DLG1: variants seen among roughly 807,000 people sequenced by gnomAD.
DLG1 encodes disks large homolog 1.
In DLG1, 42 loss-of-function variants were observed where a neutral mutation model predicts 123.4. The observed-to-expected ratio is 0.34, with a 90% CI of 0.27 to 0.44. The LOEUF is 0.44. Among genes scored for constraint, DLG1 ranks in the 20% least tolerant of loss-of-function variants. The pLI is 1.00. For missense variants in DLG1, 942 were observed against 1,082.6 expected (o/e 0.87, Z 1.82); for synonymous variants, 317 against 356.2 (o/e 0.89, Z 1.24).
At position 197,212,764 on chromosome 3, in the gene DLG1, C is replaced by T. The variant is rs142344780; in HGVS notation, c.319-18175G>A. Among the ~76,000 whole-genome samples, 969 of 152,288 alleles carry T rather than the reference C, an allele frequency of 6.4e-3. 14 individuals are homozygous for T. Among genetic ancestry groups the T allele is most frequent in the Non-Finnish European group, 6.7e-3 (455 of 68,030 alleles). On this transcript the variant is annotated intron_variant, in intron 4 of 24. Coordinates refer to ENST00000667157, the MANE Select transcript of DLG1 (RefSeq NM_001366207.1). ...AGGTCATATTCTGAGATATTAGGGG[C>T]TAGGACTCCAACATATCTTTTTTTG...
intron 4 of DLG1, among the ~76,000 whole-genome samples, chr3:197,216,479 T>C (rs1375634602): frequency 6.6e-6 from 1 of 152,172 alleles, no homozygotes; most frequent in Non-Finnish European, 1.5e-5. Context: ...TGGGAGCTAC[T>C]TTCCAGAATC....
chr3:197,145,055 TCACACACACA>T (rs34377415), intron 6 of DLG1, among the ~76,000 whole-genome samples: 9 of 148,632 alleles, frequency 6.1e-5, no homozygotes, highest in African/African-American at 1.2e-4. Flanking sequence ...TCTCTCTCTC[TCACACACACA>T]CACACACACA....
At chr3:197,122,197 A>C (rs1429801357) in intron 11 of DLG1, among the ~76,000 whole-genome samples, 1 of 152,100 alleles carries the variant, frequency 6.6e-6, no homozygotes, top group African/African-American at 2.4e-5. Context: ...AAATCAATGT[A>C]ATTTATCACG....
intron 4 of DLG1, among the ~76,000 whole-genome samples, chr3:197,233,743 C>T (rs1744501358): frequency 6.6e-6 from 1 of 152,182 alleles, no homozygotes; most frequent in African/African-American, 2.4e-5. Flanking sequence ...TGGTCTTGAA[C>T]TCCTGACCTC....
chr3:197,064,522 G>T (rs955254807), intron 22 of DLG1, among the ~76,000 whole-genome samples: 8 of 152,084 alleles, frequency 5.3e-5, no homozygotes, highest in African/African-American at 1.7e-4. Context: ...GACTACAGTT[G>T]AACGTCATTT....
Position 197,130,607 on chromosome 3 carries a change from G to C in DLG1, c.1085C>G (p.Ser362Cys), listed in dbSNP as rs571186311. The stretch of plus-strand genomic sequence containing the variant: ...TGCCACTTTCAAATAAACAAAATCA[G>C]ATGTGTTCTTTAAGGCAGTTACTGC... ...EEAVTALKNT[S>C]DFVYLKVAKP... Residue 362 changes from serine (S) to cysteine (C), a missense_variant, in exon 11 of 25, where the codon TCT (serine) becomes TGT (cysteine). By Grantham distance (112) the Ser-to-Cys change is moderately radical (BLOSUM62 -1). Transcript: ENST00000667157. The C allele has an allele frequency of 3.1e-4, 502 of 1,611,438 alleles. 7 individuals are homozygous for C. The South Asian group carries it at 5.1e-3, about 16-fold the overall frequency.
chr3:197,248,690 G>C (rs1752949294), intron 4 of DLG1, among the ~76,000 whole-genome samples: 1 of 152,182 alleles, frequency 6.6e-6, no homozygotes, highest in African/African-American at 2.4e-5. Flanking sequence ...GATCCCGACT[G>C]ACTAGATTTA....
At chr3:197,091,686 T>G (rs1185069785) in intron 14 of DLG1, among the ~76,000 whole-genome samples, 1 of 152,090 alleles carries the variant, frequency 6.6e-6, no homozygotes, top group East Asian at 1.9e-4. Context: ...AGCTACATAT[T>G]AAAAACTACT....
rs181324094 is a variant in DLG1, at chr3:197,115,205, C to A, written c.1443+722G>T. On this transcript the variant is annotated intron_variant, in intron 13 of 24. Transcript: ENST00000667157. ...ACAATTTATGGGTATAAACATGAAA[C>A]AGAAGTAAAATACTAGAAATGGCAT... Among the ~76,000 whole-genome samples the A allele has an allele frequency of 3.5e-3, 538 of 151,758 alleles. 2 individuals are homozygous for A. The highest frequency in any genetic ancestry group is 2.8e-3 in the Non-Finnish European group (192 of 67,910).
At chr3:197,290,786 TA>T (rs999643665) in intron 3 of DLG1, among the ~76,000 whole-genome samples, 2 of 150,630 alleles carry the variant, frequency 1.3e-5, no homozygotes, top group African/African-American at 4.9e-5. Flanking sequence ...TAGTCCCAGC[TA>T]CTCAGGAGCC....
rs11319273 is a variant in DLG1 at position 197,134,472 on chromosome 3, C to CAAAAAA, written c.1020+2064_1020+2069dup. On this transcript the variant is annotated intron_variant, in intron 10 of 24. Coordinates refer to ENST00000667157, the MANE Select transcript of DLG1 (RefSeq NM_001366207.1). ...TTCCCAGGAAAATTATTCATAATAC[C>CAAAAAA]AAAAAAAAAAAAAAAAAAAAAAGAC... Among the ~76,000 whole-genome samples, 131 of 96,556 alleles carry CAAAAAA rather than the reference C, an allele frequency of 1.4e-3. 1 individual carries two copies. The highest frequency in any genetic ancestry group is 4.6e-3 in the African/African-American group (119 of 25,900). 63.3% of individuals were successfully genotyped at this position (96,556 alleles called of 152,430 possible). A position where few individuals can be genotyped will look rare whatever the true frequency, so the allele number is the denominator to read the frequency against.
At chr3:197,064,737 T>C (rs1347208073) in intron 22 of DLG1, among the ~76,000 whole-genome samples, 1 of 152,204 alleles carries the variant, frequency 6.6e-6, no homozygotes, top group Non-Finnish European at 1.5e-5. Context: ...CCAATAGTTT[T>C]TGGAAAAAGT....
At chr3:197,289,497 A>G (rs796308413) in intron 3 of DLG1, among the ~76,000 whole-genome samples, 22 of 152,342 alleles carry the variant, frequency 1.4e-4, no homozygotes, top group African/African-American at 5.1e-4. Flanking sequence ...CATCATTTTT[A>G]TAATAAATTT....
chr3:197,194,304 T>C, intron 5 of DLG1, 121 bp downstream of exon 5: 1 of 502,714 alleles, frequency 2.0e-6, no homozygotes, highest in Admixed American at 4.6e-5. Flanking sequence ...ACTATGAAAC[T>C]AAAATGGGGG....
In DLG1 at chr3:197,140,182, T is replaced by C; in HGVS notation, c.671A>G (p.Lys224Arg). Residue 224 changes from lysine (K) to arginine (R), a missense_variant, in exon 8 of 25, where the codon AAA becomes AGA. By Grantham distance (26) the Lys-to-Arg change is conservative (BLOSUM62 2). Transcript: ENST00000667157. The part of the protein sequence containing the change: ...IGDDSSIFIT[K>R]IITGGAAAQD... ...GGCGGCTGCTCCCCCTGTGATAATT[T>C]TGGTAATGAAAATACTTGAGTCATC... is the stretch of plus-strand genomic sequence containing the variant. 1 of 1,613,504 alleles carries C rather than the reference T, an allele frequency of 6.2e-7. No homozygotes were observed. The highest frequency in any genetic ancestry group is 8.5e-7 in the Non-Finnish European group (1 of 1,179,660).
chr3:197,275,473 G>T (rs1471985318), intron 4 of DLG1, among the ~76,000 whole-genome samples: 4 of 152,164 alleles, frequency 2.6e-5, no homozygotes, highest in Non-Finnish European at 4.4e-5. Flanking sequence ...ATTCACCACT[G>T]CCACGATAGG....
intron 23 of DLG1, among the ~76,000 whole-genome samples, chr3:197,054,589 G>A (rs1560345281): frequency 6.6e-6 from 1 of 151,892 alleles, no homozygotes; most frequent in Non-Finnish European, 1.5e-5. Context: ...TTATTTTTAG[G>A]TTTTTTATTT....
chr3:197,137,985 A>AC lies in DLG1; in HGVS notation c.883+236_883+237insG, dbSNP rs1278865309. On this transcript the variant is annotated intron_variant, in intron 9 of 24. Transcript: ENST00000667157. ...AAACCCTGCCTCAAAAAAACAAACA[A>AC]AAAAACCCCGCAAAAAAAGGAACTT... 3.3e-5 allele frequency among the ~76,000 whole-genome samples: 5 copies of AC among 151,606 alleles called. No individual in the cohort carries two copies. In the East Asian group the frequency reaches 7.7e-4, roughly 23 times the overall value.
At chr3:197,258,587 T>A (rs1757940500) in intron 4 of DLG1, among the ~76,000 whole-genome samples, 1 of 152,026 alleles carries the variant, frequency 6.6e-6, no homozygotes, top group Non-Finnish European at 1.5e-5. Context: ...ATGAAAAAAA[T>A]TTCACTTGGA....
Sources: allele counts gnomAD v4.1 joint callset (sites outside exome capture counted in the v4.1 genomes callset), GRCh38; gene constraint gnomAD v4.1.1; transcripts MANE v1.5; gene names NCBI Gene and HGNC (gene_info 2026-07-23, HGNC 2026-07-21).